PHRF1: variants seen among roughly 807,000 people sequenced by gnomAD.
PHRF1 encodes PHD and ring finger domains 1.
PHRF1 carries 53 observed loss-of-function variants against 128.9 expected under a neutral mutation model. The observed-to-expected ratio is 0.41, with a 90% CI of 0.33 to 0.52. PHRF1 has a LOEUF of 0.52. Ranked by LOEUF, PHRF1 falls within the 20% of genes least tolerant of loss-of-function variation. PHRF1 has a pLI of 0.21. For missense variants in PHRF1, 2,503 were observed against 2,284.5 expected, an observed-to-expected ratio of 1.10 and a Z score of -1.95; for synonymous variants, 1,178 against 980.6, an observed-to-expected ratio of 1.20 and a Z score of -3.76.
intron 4 of PHRF1, among the ~76,000 whole-genome samples, chr11:589,314 C>A (rs768527812): frequency 1.3e-5 from 2 of 152,212 alleles, no homozygotes; most frequent in Non-Finnish European, 2.9e-5. Context: ...CCTTCCCTTT[C>A]GAGACATCTT....
intron 9 of PHRF1, among the ~76,000 whole-genome samples, chr11:601,225 G>A (rs745900868): frequency 1.5e-4 from 23 of 151,930 alleles, no homozygotes; most frequent in South Asian, 1.2e-3. Context: ...CAGGAGGATC[G>A]CTTGAGCCCA....
intron 4 of PHRF1, among the ~76,000 whole-genome samples, chr11:588,344 C>T (rs975771072): frequency 2.0e-5 from 3 of 152,098 alleles, no homozygotes; most frequent in African/African-American, 7.2e-5. Context: ...GTGGTGGGTC[C>T]ACAGCACACA....
chr11:600,794 G>A (rs1034817214), intron 9 of PHRF1, among the ~76,000 whole-genome samples: 46 of 152,002 alleles, frequency 3.0e-4, no homozygotes, highest in African/African-American at 1.0e-3. Flanking sequence ...GTGAAACCCC[G>A]TCTCTACTAA....
chr11:609,848 G>C (rs902242503), intron 14 of PHRF1, 128 bp downstream of exon 14: 1 of 629,178 alleles, frequency 1.6e-6, no homozygotes. Context: ...CCCGTGAGTA[G>C]GGCCCTGGCC....
At chr11:600,493 A>ATATATAT (rs1855563084) in intron 9 of PHRF1, among the ~76,000 whole-genome samples, 1 of 129,342 alleles carries the variant, frequency 7.7e-6, no homozygotes, top group African/African-American at 3.1e-5. Context: ...TGTCTCCAAA[A>ATATATAT]ATATATATAT....
At chr11:603,725 G>GTTT (rs1233128066) in intron 10 of PHRF1, among the ~76,000 whole-genome samples, 7 of 103,272 alleles carry the variant, frequency 6.8e-5, no homozygotes, top group African/African-American at 1.7e-4. Flanking sequence ...CCATATTTAA[G>GTTT]TTTGTTTTTT....
chr11:579,439 G>A (rs188879557), intron 1 of PHRF1, among the ~76,000 whole-genome samples: 1 of 152,356 alleles, frequency 6.6e-6, no homozygotes, highest in East Asian at 1.9e-4. Flanking sequence ...AAGATGTGGG[G>A]TCTGTTGTCA....
rs1269493501 is a variant in PHRF1 at position 585,634 on chromosome 11, CTTG to C, written c.215-1624_215-1622del. 4.6e-4 allele frequency among the ~76,000 whole-genome samples: 50 copies of C among 109,854 alleles called. 2 individuals carry two copies. Among genetic ancestry groups the C allele is most frequent in the East Asian group, 1.4e-3 (5 of 3,624 alleles). 72.1% of individuals were successfully genotyped at this position (109,854 alleles called of 152,430 possible). On this transcript the variant is annotated intron_variant, in intron 3 of 17. Coordinates refer to ENST00000264555, the MANE Select transcript of PHRF1 (RefSeq NM_001286581.2). ...AGCTTGAGGTAGTAGCCCTTTCCAG[CTTG>C]AGGTAGTAGCCCTTTCCAGCTTGAG...
chr11:603,908 G>C (rs1855798486), intron 10 of PHRF1, among the ~76,000 whole-genome samples: 1 of 150,910 alleles, frequency 6.6e-6, no homozygotes, highest in South Asian at 2.1e-4. Context: ...TTGCCATGTT[G>C]GTCAGGCTGG....
rs779504014 is a variant in PHRF1, at chr11:598,470, C to G, written c.992C>G (p.Pro331Arg). ...GCCGTGTATCAGCGCCCCCTGACGC[C>G]GCGCACTCCCGCCCGACGGAAGAGG... ...STAVYQRPLT[P>R]RTPARRKRKT... Residue 331 changes from proline to arginine, a missense_variant, in exon 9 of 18, where the codon CCG becomes CGG. Coordinates refer to ENST00000264555, the MANE Select transcript of PHRF1 (RefSeq NM_001286581.2). 1 of 1,610,156 alleles carries G rather than the reference C, an allele frequency of 6.2e-7. No individual in the cohort carries two copies. The highest frequency in any genetic ancestry group is 2.2e-5 in the East Asian group (1 of 44,856).
intron 12 of PHRF1, 110 bp from the exon 13 acceptor site, chr11:606,332 C>A: frequency 1.5e-6 from 2 of 1,370,830 alleles, no homozygotes; most frequent in Non-Finnish European, 1.9e-6. Flanking sequence ...GGCGCAGGCC[C>A]GGCCCAGCCC....
chr11:600,341 A>G (rs915403980), intron 9 of PHRF1, among the ~76,000 whole-genome samples: 1 of 149,356 alleles, frequency 6.7e-6, no homozygotes, highest in South Asian at 2.1e-4. Flanking sequence ...TCTGCCTCCC[A>G]GGCTCAAGCA....
intron 3 of PHRF1, among the ~76,000 whole-genome samples, chr11:587,011 A>G (rs1337885212): frequency 6.6e-6 from 1 of 152,098 alleles, no homozygotes; most frequent in African/African-American, 2.4e-5. Flanking sequence ...CTGGTCTGGC[A>G]CTCAGGACGC....
chr11:606,458 G>A lies in PHRF1; in HGVS notation c.1471G>A (p.Ala491Thr), dbSNP rs537702710. The A allele has an allele frequency of 1.3e-5, 21 of 1,565,784 alleles. No individual in the cohort carries two copies. The South Asian group carries it at 1.4e-4, about 10-fold the overall frequency. Residue 491 changes from alanine (A) to threonine (T), a missense_variant, in exon 13 of 18, where the codon GCG (alanine) becomes ACG (threonine). Physicochemically the swap from Ala to Thr is moderately conservative, Grantham distance 58. Coordinates refer to ENST00000264555, the MANE Select transcript of PHRF1 (RefSeq NM_001286581.2). The part of the protein sequence containing the change: ...VGLSRRRLPA[A>T]VPEPDLEEEP... ...TGCCCACAGGAGGCGCCTCCCTGCC[G>A]CGGTGCCAGAGCCAGACTTGGAGGA...
At position 608,991 on chromosome 11, in the gene PHRF1, C is replaced by G. The variant is rs555964793; in HGVS notation, c.3535C>G (p.Arg1179Gly). The change falls in exon 14 of 18, where the codon CGG (arginine) becomes GGG (glycine). Residue 1179 changes from arginine to glycine, a missense_variant. By Grantham distance (125) the Arg-to-Gly change is moderately radical. Transcript: ENST00000264555. ...CAGGGCACGGGAGCACAGGCGGCCT[C>G]GGTCCCGTGAGAAGTGGCCGCAGAC... ...EHRAREHRRP[R>G]SREKWPQTRS... The G allele has an allele frequency of 1.1e-5, 17 of 1,604,760 alleles. No individual in the cohort carries two copies. The highest frequency in any genetic ancestry group is 1.4e-5 in the Non-Finnish European group (17 of 1,176,588).
In PHRF1 at chr11:606,588, A is replaced by C. The variant is rs777183085; in HGVS notation, c.1601A>C (p.Lys534Thr). 2 of 1,604,520 alleles carry C rather than the reference A, an allele frequency of 1.2e-6. No homozygotes were observed. The highest frequency in any genetic ancestry group is 1.7e-6 in the Non-Finnish European group (2 of 1,176,084). ...IIHRDGSLSA[K>T]RAAPVSFQRN... ...CACCGCGACGGCTCCCTCAGCGCCA[A>C]GAGGGCGGGTGAGTGCCTTCCCTGC... Residue 534 changes from lysine to threonine, a missense_variant, in exon 13 of 18, where the codon AAG becomes ACG. Physicochemically the swap from Lys to Thr is moderately conservative, Grantham distance 78. Coordinates refer to ENST00000264555, the MANE Select transcript of PHRF1 (RefSeq NM_001286581.2).
intron 9 of PHRF1, among the ~76,000 whole-genome samples, chr11:600,512 A>ATATACATATATATATATGTATGTATG (rs1855568695): frequency 6.9e-6 from 1 of 144,514 alleles, no homozygotes; most frequent in African/African-American, 2.6e-5. Flanking sequence ...ATATATATAT[A>ATATACATATATATATATGTATGTATG]TATATATGGT....
At position 591,389 on chromosome 11, in the gene PHRF1, C is replaced by T. The variant is rs1333129604; in HGVS notation, c.426C>T (p.Ala142=). The change falls in exon 5 of 18, where the codon GCC becomes GCT. Residue 142 remains alanine (A), a synonymous_variant. Transcript: ENST00000264555. ...LDCIVEWSKN[A]NSCPVDRTLF... ...CCTGTTTTTATTTCTCACAGAATGC[C>T]AATTCCTGTCCAGTTGATCGAACTC... 6.2e-7 allele frequency: 1 copy of T among 1,606,562 alleles called. No individual in the cohort carries two copies. The highest frequency in any genetic ancestry group is 8.5e-7 in the Non-Finnish European group (1 of 1,176,696).
At chr11:603,716 C>T (rs1217136030) in intron 10 of PHRF1, among the ~76,000 whole-genome samples, 1 of 147,000 alleles carries the variant, frequency 6.8e-6, no homozygotes, top group Non-Finnish European at 1.5e-5. Flanking sequence ...TATCTAAAAC[C>T]ATATTTAAGT....
Sources: gnomAD v4.1 joint callset for allele counts (sites outside exome capture counted in the v4.1 genomes callset) on GRCh38, gnomAD v4.1.1 for gene constraint, MANE v1.5 for transcripts, NCBI Gene and HGNC (gene_info 2026-07-23, HGNC 2026-07-21) for gene names.